LTBP4: variants seen among roughly 807,000 people sequenced by gnomAD.
LTBP4 encodes latent transforming growth factor beta binding protein 4, also known as latent-transforming growth factor beta-binding protein 4.
In LTBP4, 93 loss-of-function variants were observed where a neutral mutation model predicts 180.2. That is an observed-to-expected ratio of 0.52 (90% CI 0.44 to 0.61). LTBP4 has a LOEUF of 0.61. Among genes scored for constraint, LTBP4 ranks in the 20% least tolerant of loss-of-function variants. The pLI is 0.00. For synonymous variants in LTBP4, 947 were observed against 934.5 expected, an observed-to-expected ratio of 1.01 and a Z score of -0.24; for missense variants, 2,116 against 2,256.5, an observed-to-expected ratio of 0.94 and a Z score of 1.26.
intron 11 of LTBP4, 181 bp downstream of exon 11, chr19:40,610,052 A>C: frequency 2.6e-6 from 2 of 782,872 alleles, no homozygotes; most frequent in South Asian, 4.6e-5. Context: ...CCTCCCTTTG[A>C]CCCCACCCCT....
At chr19:40,604,412 T>A (rs918996679) in intron 1 of LTBP4, among the ~76,000 whole-genome samples, 7 of 151,800 alleles carry the variant, frequency 4.6e-5, no homozygotes, top group African/African-American at 1.7e-4. Context: ...ATGGAAGGGA[T>A]CAGCATTGGG....
In LTBP4 at chr19:40,610,517, G is replaced by A; in HGVS notation, c.1685-15G>A. 2 of 1,586,966 alleles carry A rather than the reference G, an allele frequency of 1.3e-6. No individual in the cohort carries two copies. Among genetic ancestry groups the A allele is most frequent in the Admixed American group, 3.4e-5 (2 of 58,072 alleles). On this transcript the variant is annotated splice_polypyrimidine_tract_variant and intron_variant, in intron 11 of 29. Transcript: ENST00000396819. ...CTGTCTGCCCCAGTCCCAGCCGCCT[G>A]GTCTGTGCCTACAGATGTGGACGAG...
rs2081451334 is a variant in LTBP4, at chr19:40,605,299, C to A, written c.442+73C>A. ...CACTTTGCCCCTGACCCTCATATTT[C>A]CCGCCTTCCCGAGCACCTTTGCCCA... is the stretch of plus-strand genomic sequence containing the variant. On this transcript the variant is annotated intron_variant, in intron 2 of 29. Transcript: ENST00000396819. This position sits in a 1 kb window ranked among gnomAD's most constrained non-coding sequence, Gnocchi z 5.5. The A allele has an allele frequency of 2.6e-6, 4 of 1,559,032 alleles. No homozygotes were observed. Among genetic ancestry groups the A allele is most frequent in the Non-Finnish European group, 3.5e-6 (4 of 1,150,176 alleles).
intron 1 of LTBP4, 104 bp from the exon 2 acceptor site, chr19:40,604,931 A>G: frequency 3.8e-6 from 4 of 1,052,500 alleles, no homozygotes; most frequent in South Asian, 1.6e-5. Flanking sequence ...ATGACAGCTA[A>G]GGGCGGAGCG....
chr19:40,611,326 C>G lies in LTBP4; in HGVS notation c.1985C>G (p.Thr662Arg). The change falls in exon 13 of 30, where the codon ACG (threonine) becomes AGG (arginine). Residue 662 changes from threonine (T) to arginine (R), a missense_variant. Around this residue, in one of 5 missense-constraint regions of LTBP4, gnomAD observed 877 missense variants for 873.6 expected, o/e 1.00. Coordinates refer to ENST00000396819, the MANE Select transcript of LTBP4 (RefSeq NM_001042545.2). This position sits in a 1 kb window ranked among gnomAD's most constrained non-coding sequence, Gnocchi z 4.4. ...PPCGPGRCDN[T>R]AGSFHCACPA... The stretch of plus-strand genomic sequence containing the variant: ...TGTGGGCCCGGCCGCTGTGACAACA[C>G]GGCAGGCTCCTTTCACTGTGCCTGC... 6.2e-7 allele frequency: 1 copy of G among 1,611,818 alleles called. No homozygotes were observed. The highest frequency in any genetic ancestry group is 8.5e-7 in the Non-Finnish European group (1 of 1,179,530).
Position 40,625,316 on chromosome 19 carries a change from A to ATATATATT in LTBP4, c.3833-540_3833-539insATATATTT, listed in dbSNP as rs1568414647. ...TATATATATATATATATATATATAT[A>ATATATATT]TTTTTTTTTTTAAAGATGGGTTTTT... On this transcript the variant is annotated intron_variant, in intron 26 of 29. Coordinates refer to ENST00000396819, the MANE Select transcript of LTBP4 (RefSeq NM_001042545.2). Among the ~76,000 whole-genome samples the ATATATATT allele has an allele frequency of 6.4e-4, 14 of 21,932 alleles. 2 individuals are homozygous for ATATATATT. The highest frequency in any genetic ancestry group is 9.5e-4 in the Non-Finnish European group (12 of 12,650). The allele number at this position is 21,932 out of a possible 152,430, so 14.4% of individuals were successfully genotyped here.
At chr19:40,608,032 C>A (rs1341646041) in intron 7 of LTBP4, among the ~76,000 whole-genome samples, 188 bp from the exon 8 acceptor site, 1 of 152,234 alleles carries the variant, frequency 6.6e-6, no homozygotes, top group Admixed American at 6.5e-5. Flanking sequence ...GGAAAACGCT[C>A]TTGGCCCCAC....
rs566240570 is a variant in LTBP4 at position 40,625,869 on chromosome 19, G to C, written c.3845G>C (p.Gly1282Ala). 7 of 1,589,232 alleles carry C rather than the reference G, an allele frequency of 4.4e-6. No homozygotes were observed. The African/African-American group carries it at 6.7e-5, about 15-fold the overall frequency. Residue 1282 changes from glycine to alanine, a missense_variant, in exon 27 of 30, where the codon GGA (glycine) becomes GCA (alanine). Transcript: ENST00000396819. ...TCTCCACCTACAGATGACAATCTGG[G>C]AGTGTGCTGGCAGGAAGTGGGGGCT... ...NESQSLDDNL[G>A]VCWQEVGADL... is the part of the protein sequence containing the mutation.
rs1273284168 is a variant in LTBP4 at position 40,625,941 on chromosome 19, CAG to C, written c.3920_3921del (p.Glu1307ValfsTer23). ...CGGCTGGACCGTCAGGCCACCTACA[CAG>C]AGTGCTGCTGCCTGTATGGAGAGGC... On this transcript the variant is annotated frameshift_variant, in exon 27 of 30. Transcript: ENST00000396819. LOFTEE classifies it high-confidence loss of function. 1.9e-6 allele frequency: 3 copies of C among 1,607,074 alleles called. No individual in the cohort carries two copies. Among genetic ancestry groups the C allele is most frequent in the Non-Finnish European group, 2.5e-6 (3 of 1,177,256 alleles).
chr19:40,617,781 T>C (rs118029434), intron 21 of LTBP4, among the ~76,000 whole-genome samples: 2,572 of 152,302 alleles, frequency 0.017, 37 homozygotes, highest in Non-Finnish European at 0.026. Flanking sequence ...TAATCTTAAG[T>C]GTTCATAAAC....
chr19:40,606,380 C>A, intron 5 of LTBP4, 24 bp from the exon 6 acceptor site: 2 of 1,606,342 alleles, frequency 1.2e-6, no homozygotes, highest in South Asian at 1.1e-5. Flanking sequence ...CCTGACTCCA[C>A]GGTGACCTCC....
At chr19:40,601,702 G>A in intron 1 of LTBP4, 65 bp downstream of exon 1, 2 of 1,173,858 alleles carry the variant, frequency 1.7e-6, no homozygotes, top group South Asian at 4.2e-5. Flanking sequence ...TGGGGATGGA[G>A]GAGACAGTCC....
At position 40,609,951 on chromosome 19, in the gene LTBP4, C is replaced by A; in HGVS notation, c.1684+80C>A. On this transcript the variant is annotated intron_variant, in intron 11 of 29. Transcript: ENST00000396819. This position sits in a 1 kb window ranked among gnomAD's most constrained non-coding sequence, Gnocchi z 4.9. The stretch of plus-strand genomic sequence containing the variant: ...CTCACTCCAGAGCCTCTCCAGCCCT[C>A]CCACGCTTCCCCTCTCGGGTCCCGC... The A allele has an allele frequency of 7.0e-7, 1 of 1,437,108 alleles. No individual in the cohort carries two copies. Among genetic ancestry groups the A allele is most frequent in the Admixed American group, 2.6e-5 (1 of 38,074 alleles). The allele number at this position is 1,437,108 out of a possible 1,614,324, so 89.0% of individuals were successfully genotyped here.
chr19:40,621,538 C>T (rs960915691), intron 22 of LTBP4, among the ~76,000 whole-genome samples: 11 of 152,232 alleles, frequency 7.2e-5, no homozygotes, highest in East Asian at 1.9e-4. Flanking sequence ...TCCCTCTGGC[C>T]GCCATGTGAA....
chr19:40,601,380 C>G lies in LTBP4; in HGVS notation c.-8C>G. On this transcript the variant is annotated 5_prime_UTR_variant, in exon 1 of 30. Coordinates refer to ENST00000396819, the MANE Select transcript of LTBP4 (RefSeq NM_001042545.2). The stretch of plus-strand genomic sequence containing the variant: ...GGCGGCGGCGCGGCGGAGCGCGGCG[C>G]TGCAGCCATGGCGGGCGGCGTGCGG... 1.6e-6 allele frequency: 2 copies of G among 1,247,682 alleles called. No individual in the cohort carries two copies. Among genetic ancestry groups the G allele is most frequent in the Non-Finnish European group, 2.0e-6 (2 of 992,104 alleles). 77.3% of individuals were successfully genotyped at this position (1,247,682 alleles called of 1,614,324 possible).
chr19:40,614,018 C>A lies in LTBP4; in HGVS notation c.2660C>A (p.Pro887Gln), dbSNP rs780185380. The A allele has an allele frequency of 2.5e-6, 4 of 1,613,218 alleles. No individual in the cohort carries two copies. The South Asian group carries it at 4.4e-5, about 18-fold the overall frequency. ...TGTCCTCCGGGACACCGCGCTGGCC[C>A]GGACCTCGCCTCCTGCCTCGGTGAG... ...CICPPGHRAGPDLASCLDVDE... is the reference protein window; with the variant it reads ...CICPPGHRAGQDLASCLDVDE... Residue 887 changes from proline to glutamine, a missense_variant, in exon 18 of 30, where the codon CCG (proline) becomes CAG (glutamine). Pro to Gln is a moderately conservative substitution (Grantham distance 76, BLOSUM62 -1). This residue lies in a region of LTBP4 where 877 missense variants were observed against 873.6 expected (regional missense o/e 1.00). Transcript: ENST00000396819.
At chr19:40,607,655 C>T in intron 7 of LTBP4, 126 bp downstream of exon 7, 1 of 1,113,958 alleles carries the variant, frequency 9.0e-7, no homozygotes, top group Non-Finnish European at 1.2e-6. Context: ...GGCCACGCAG[C>T]AGCCTCTGAG....
At chr19:40,600,268 C>A, upstream of LTBP4, 2 of 602,806 alleles carry the variant, frequency 3.3e-6, no homozygotes, top group Non-Finnish European at 5.0e-6. The surrounding 1 kb of genome is among the most constrained non-coding windows in gnomAD (Gnocchi z 4.4). Flanking sequence ...CGCCGCCTAC[C>A]CGCCCCCCGT....
chr19:40,626,360 G>T (rs1394689771), intron 27 of LTBP4, among the ~76,000 whole-genome samples: 1 of 151,958 alleles, frequency 6.6e-6, no homozygotes, highest in African/African-American at 2.4e-5. Flanking sequence ...TGAAATGCCA[G>T]TTGCTCAGAC....
Sources: allele counts gnomAD v4.1 joint callset (sites outside exome capture counted in the v4.1 genomes callset), GRCh38; gene constraint gnomAD v4.1.1; regional missense constraint gnomAD v4.1.1; non-coding constraint Gnocchi (gnomAD v3.1); transcripts MANE v1.5; gene names NCBI Gene and HGNC (gene_info 2026-07-23, HGNC 2026-07-21).